CDH18: variants seen among roughly 807,000 people sequenced by gnomAD.
CDH18 encodes cadherin 18, also known as cadherin-18.
In CDH18, 31 loss-of-function variants were observed where a neutral mutation model predicts 67.9. The ratio of observed to expected loss-of-function variants is 0.46; its 90% CI spans 0.34 to 0.62. The LOEUF (loss-of-function observed/expected upper bound fraction) is 0.62. Ranked by LOEUF, CDH18 falls within the 20% of genes least tolerant of loss-of-function variation. The probability of loss-of-function intolerance (pLI) is 0.01; values close to 1 mark genes in which losing one functional copy is unlikely to be tolerated. For missense variants in CDH18, 890 were observed against 975.5 expected, an observed-to-expected ratio of 0.91 and a Z score of 1.17; for synonymous variants, 362 against 347.2, an observed-to-expected ratio of 1.04 and a Z score of -0.48.
chr5:20,233,936 G>A (rs976230992), intron 2 of CDH18, among the ~76,000 whole-genome samples: 14 of 152,090 alleles, frequency 9.2e-5, no homozygotes, highest in Non-Finnish European at 1.9e-4. Flanking sequence ...AATAGTGGAA[G>A]TGACATTGTT....
intron 2 of CDH18, among the ~76,000 whole-genome samples, chr5:20,091,101 T>A (rs1745380763): frequency 6.6e-6 from 1 of 151,066 alleles, no homozygotes; most frequent in African/African-American, 2.4e-5. Flanking sequence ...CCCTGAAAAA[T>A]ATTTATGACC....
intron 4 of CDH18, among the ~76,000 whole-genome samples, chr5:19,745,854 T>C (rs1247779070): frequency 1.3e-5 from 2 of 151,988 alleles, no homozygotes; most frequent in Non-Finnish European, 1.5e-5. Context: ...AAGACTAACA[T>C]GGGCTGGAAT....
At chr5:19,901,238 T>C (rs373767353) in intron 2 of CDH18, among the ~76,000 whole-genome samples, 2 of 152,150 alleles carry the variant, frequency 1.3e-5, no homozygotes, top group African/African-American at 2.4e-5. Context: ...TTTACTCTTA[T>C]GTAATTATGT....
intron 1 of CDH18, among the ~76,000 whole-genome samples, chr5:20,539,187 G>A (rs948864987): frequency 6.6e-6 from 1 of 151,962 alleles, no homozygotes; most frequent in African/African-American, 2.4e-5. Flanking sequence ...CACCGCACTG[G>A]GTGGCAACTT....
chr5:20,019,197 G>T (rs1738176342), intron 2 of CDH18, among the ~76,000 whole-genome samples: 1 of 152,178 alleles, frequency 6.6e-6, no homozygotes, highest in South Asian at 2.1e-4. Context: ...GAGAATTGTA[G>T]TACTTATAGT....
chr5:20,419,202 C>T (rs916109997), intron 1 of CDH18, among the ~76,000 whole-genome samples: 1 of 152,044 alleles, frequency 6.6e-6, no homozygotes, highest in Non-Finnish European at 1.5e-5. Context: ...TCTCTTGCCT[C>T]GGCCAGGAGA....
intron 2 of CDH18, among the ~76,000 whole-genome samples, chr5:20,092,059 G>T (rs1333246683): frequency 6.6e-6 from 1 of 152,056 alleles, no homozygotes; most frequent in Non-Finnish European, 1.5e-5. Flanking sequence ...GCTGTCACGG[G>T]ATTTCATTAA....
intron 2 of CDH18, among the ~76,000 whole-genome samples, chr5:19,883,132 A>C (rs1787837056): frequency 6.6e-6 from 1 of 152,192 alleles, no homozygotes; most frequent in Non-Finnish European, 1.5e-5. Context: ...GAGAGCACTG[A>C]CCTTGACTTA....
chr5:19,531,609 TCACACA>T (rs10552517), intron 9 of CDH18, among the ~76,000 whole-genome samples: 72 of 148,810 alleles, frequency 4.8e-4, no homozygotes, highest in South Asian at 1.7e-3. Flanking sequence ...ATGTGTGTTC[TCACACA>T]CACACACACA....
chr5:19,823,084 C>CGGCG (rs1780047599), intron 3 of CDH18, among the ~76,000 whole-genome samples: 1 of 152,178 alleles, frequency 6.6e-6, no homozygotes, highest in African/African-American at 2.4e-5. Context: ...CCTGGCTCAC[C>CGGCG]GGCGGTCAGA....
Position 19,782,221 on chromosome 5 carries a change from A to C in CDH18, c.229-34985T>G, listed in dbSNP as rs569846080. The stretch of plus-strand genomic sequence containing the variant: ...CAATCATGGTGGAAGGCACCTCTTC[A>C]CAGGGTGGCAGGAGAGAGAATGAGT... On this transcript the variant is annotated intron_variant, in intron 3 of 12. Transcript: ENST00000382275. Among the ~76,000 whole-genome samples, 27 of 152,228 alleles carry C rather than the reference A, an allele frequency of 1.8e-4. No individual in the cohort carries two copies. In the East Asian group the frequency reaches 4.7e-3, roughly 26 times the overall value.
intron 6 of CDH18, among the ~76,000 whole-genome samples, chr5:19,604,623 T>C (rs1181292403): frequency 6.6e-6 from 1 of 151,804 alleles, no homozygotes; most frequent in African/African-American, 2.4e-5. Context: ...AAGCTGAATA[T>C]TGATTATTAA....
chr5:19,500,912 C>T (rs907657849), intron 11 of CDH18, among the ~76,000 whole-genome samples: 3 of 151,926 alleles, frequency 2.0e-5, no homozygotes, highest in African/African-American at 7.3e-5. Flanking sequence ...AGGCAGATCA[C>T]CTGAGGTCAG....
chr5:20,419,579 T>C lies in CDH18; in HGVS notation c.-580+155883A>G, dbSNP rs185047712. Among the ~76,000 whole-genome samples the C allele has an allele frequency of 1.7e-3, 245 of 147,250 alleles. 6 individuals carry two copies. The highest frequency in any genetic ancestry group is 5.4e-3 in the African/African-American group (211 of 39,100). ...CAAGCTCTGCCTCCCGGGTTCACGCTATTCTCCTGCCTCAGCTCCCCTTCA... is the reference window on the plus strand; with the variant it reads ...CAAGCTCTGCCTCCCGGGTTCACGCCATTCTCCTGCCTCAGCTCCCCTTCA... On this transcript the variant is annotated intron_variant, in intron 1 of 14. Coordinates refer to the CDH18 transcript ENST00000507958.
At chr5:20,393,816 T>C (rs1745063141) in intron 1 of CDH18, among the ~76,000 whole-genome samples, 1 of 151,706 alleles carries the variant, frequency 6.6e-6, no homozygotes. Flanking sequence ...AACAATACAA[T>C]ACAATTCAAC....
At chr5:19,833,779 C>T (rs1781312161) in intron 3 of CDH18, among the ~76,000 whole-genome samples, 2 of 152,110 alleles carry the variant, frequency 1.3e-5, no homozygotes, top group South Asian at 4.1e-4. Context: ...TTGAGATAAT[C>T]ATGTGGTGTT....
At chr5:20,543,477 T>C (rs566985249) in intron 1 of CDH18, among the ~76,000 whole-genome samples, 18 of 152,216 alleles carry the variant, frequency 1.2e-4, no homozygotes, top group Admixed American at 2.0e-4. Context: ...ACTCCTTCTC[T>C]GCTGTCATGG....
At chr5:20,110,039 G>A (rs1284061590) in intron 2 of CDH18, among the ~76,000 whole-genome samples, 1 of 152,098 alleles carries the variant, frequency 6.6e-6, no homozygotes, top group Non-Finnish European at 1.5e-5. Context: ...ATGACAAGAA[G>A]CATATATATT....
At chr5:19,556,861 A>C (rs1738535482) in intron 8 of CDH18, among the ~76,000 whole-genome samples, 1 of 152,164 alleles carries the variant, frequency 6.6e-6, no homozygotes, top group Non-Finnish European at 1.5e-5. Context: ...AAAGGATCTT[A>C]AGAAATGTGT....
Sources: gnomAD v4.1 joint callset for allele counts (sites outside exome capture counted in the v4.1 genomes callset) on GRCh38, gnomAD v4.1.1 for gene constraint, MANE v1.5 for transcripts, NCBI Gene and HGNC (gene_info 2026-07-23, HGNC 2026-07-21) for gene names.